The following ARMC12 variants were observed in gnomAD, a reference collection of about 807,000 sequenced individuals.
ARMC12 encodes the protein armadillo repeat-containing protein 12.
ARMC12 carries 25 observed loss-of-function variants against 37.4 expected under a neutral mutation model. That is an observed-to-expected ratio of 0.67 (90% CI 0.49 to 0.93). The LOEUF is 0.93. Ranked by LOEUF, ARMC12 falls within the 40% of genes least tolerant of loss-of-function variation. ARMC12 has a pLI of 0.00. For synonymous variants in ARMC12, 167 were observed against 176.1 expected (o/e 0.95, Z 0.41); for missense variants, 384 against 426.6 (o/e 0.90, Z 0.88).
chr6:35,738,189 G>C lies in ARMC12; in HGVS notation c.309+17G>C. ...GAGGCTGAGGTAAGGGAAGCAGGAG[G>C]TCCCCCCTAGCCGGCCTGGCCCCTG... On this transcript the variant is annotated intron_variant, in intron 2 of 5. Transcript: ENST00000373866. 4 of 1,581,428 alleles carry C rather than the reference G, an allele frequency of 2.5e-6. No homozygotes were observed. The highest frequency in any genetic ancestry group is 3.4e-6 in the Non-Finnish European group (4 of 1,160,898).
intron 5 of ARMC12, among the ~76,000 whole-genome samples, chr6:35,748,136 C>A (rs1039632550): frequency 1.3e-5 from 2 of 152,136 alleles, no homozygotes; most frequent in African/African-American, 4.8e-5. Context: ...ACCATTCTTG[C>A]AGCAACTGAT....
rs115290040 is a variant in ARMC12 at position 35,740,180 on chromosome 6, C to T, written c.444+1662C>T. Among the ~76,000 whole-genome samples, 424 of 152,306 alleles carry T rather than the reference C, an allele frequency of 2.8e-3. 5 individuals carry two copies. Among genetic ancestry groups the T allele is most frequent in the African/African-American group, 9.1e-3 (380 of 41,556 alleles). On this transcript the variant is annotated intron_variant, in intron 3 of 5. Coordinates refer to ENST00000373866, the MANE Select transcript of ARMC12 (RefSeq NM_001286574.2). ...TAATCAGAGGTTGGTGTCATGGCCA[C>T]GGATAACTTCTCCATTACTCCATAG... is the stretch of plus-strand genomic sequence containing the variant.
At chr6:35,737,981 T>C in intron 1 of ARMC12, 46 bp from the exon 2 acceptor site, 2 of 1,606,680 alleles carry the variant, frequency 1.2e-6, no homozygotes, top group Non-Finnish European at 1.7e-6. Context: ...CATTCTTTCA[T>C]CACTTCTGAG....
Position 35,737,058 on chromosome 6 carries a change from A to G in ARMC12, c.-51A>G, listed in dbSNP as rs1283854478. Reference sequence around the variant, plus strand: ...GAGTTCTGGTTCCGGAAGGCCCCCCACAGGTGCCTTGGGCCTAGCTCTCAC... The same window carrying G: ...GAGTTCTGGTTCCGGAAGGCCCCCCGCAGGTGCCTTGGGCCTAGCTCTCAC... On this transcript the variant is annotated 5_prime_UTR_variant, in exon 1 of 6. Transcript: ENST00000373866. The G allele has an allele frequency of 1.1e-5, 17 of 1,603,294 alleles. No individual in the cohort carries two copies. The Admixed American group carries it at 2.9e-4, about 27-fold the overall frequency.
At chr6:35,744,658 GA>G (rs1767282414) in intron 3 of ARMC12, among the ~76,000 whole-genome samples, 1 of 152,080 alleles carries the variant, frequency 6.6e-6, no homozygotes, top group African/African-American at 2.4e-5. Flanking sequence ...AGGGGACTGA[GA>G]AAGGAGAATC....
At chr6:35,745,421 A>G (rs1304321998) in intron 3 of ARMC12, among the ~76,000 whole-genome samples, 3 of 152,196 alleles carry the variant, frequency 2.0e-5, no homozygotes, top group Non-Finnish European at 4.4e-5. Context: ...TCAAACTTAA[A>G]AGGTCATATA....
chr6:35,731,750 G>T, the ARMC12 span, among the ~76,000 whole-genome samples: 1 of 152,160 alleles, frequency 6.6e-6, no homozygotes, highest in Admixed American at 6.5e-5. Flanking sequence ...CCGGCTCCCA[G>T]TGAGCCCTCT....
chr6:35,743,020 C>T (rs1330107705), intron 3 of ARMC12, among the ~76,000 whole-genome samples: 1 of 152,170 alleles, frequency 6.6e-6, no homozygotes, highest in Admixed American at 6.5e-5. Context: ...GTTCTGAAAC[C>T]CTGTCCCAGA....
At chr6:35,735,115 C>T (rs1766925859), upstream of ARMC12, 1 of 152,164 alleles carries the variant, frequency 6.6e-6, no homozygotes, top group Admixed American at 6.5e-5. This position sits in a 1 kb window ranked among gnomAD's most constrained non-coding sequence, Gnocchi z 4.0. Flanking sequence ...GAATCGGCTC[C>T]ATGGGATGGA....
chr6:35,742,317 G>T (rs1455782463), intron 3 of ARMC12, among the ~76,000 whole-genome samples: 1 of 151,604 alleles, frequency 6.6e-6, no homozygotes, highest in Non-Finnish European at 1.5e-5. Flanking sequence ...CCAACATGGA[G>T]AAACCCCGTC....
chr6:35,737,367 T>C, intron 1 of ARMC12, 96 bp downstream of exon 1: 1 of 1,613,396 alleles, frequency 6.2e-7, no homozygotes. Context: ...TGCCTCCAAG[T>C]TCCTCTTTCC....
At chr6:35,745,849 C>T (rs1156956110) in intron 3 of ARMC12, among the ~76,000 whole-genome samples, 2 of 152,088 alleles carry the variant, frequency 1.3e-5, no homozygotes, top group Non-Finnish European at 2.9e-5. Flanking sequence ...AGTTCAAGAC[C>T]AGCCTGGCCA....
chr6:35,743,704 T>C (rs1390249436), intron 3 of ARMC12, among the ~76,000 whole-genome samples: 1 of 151,300 alleles, frequency 6.6e-6, no homozygotes, highest in Non-Finnish European at 1.5e-5. Context: ...AAGTAAAATA[T>C]ATAGTGTGTT....
At position 35,737,082 on chromosome 6, in the gene ARMC12, A is replaced by T; in HGVS notation, c.-27A>T. On this transcript the variant is annotated 5_prime_UTR_variant, in exon 1 of 6. Transcript: ENST00000373866. ...CACAGGTGCCTTGGGCCTAGCTCTC[A>T]CCTGGGCCCAGGGCAACACTGAAGA... 1 of 1,612,490 alleles carries T rather than the reference A, an allele frequency of 6.2e-7. No individual in the cohort carries two copies. Among genetic ancestry groups the T allele is most frequent in the Non-Finnish European group, 8.5e-7 (1 of 1,179,180 alleles).
chr6:35,743,614 A>G (rs1767244769), intron 3 of ARMC12, among the ~76,000 whole-genome samples: 1 of 152,210 alleles, frequency 6.6e-6, no homozygotes, highest in South Asian at 2.1e-4. Context: ...TACAGGAGAG[A>G]AAGCAGTAAA....
intron 2 of ARMC12, 91 bp from the exon 3 acceptor site, chr6:35,738,293 G>GGGGGGGGGC: frequency 7.0e-7 from 1 of 1,431,964 alleles, no homozygotes; most frequent in South Asian, 1.3e-5. Context: ...CGGTGGGGGG[G>GGGGGGGGGC]GGGTGTGCGG....
rs758219500 is a variant in ARMC12 at position 35,737,073 on chromosome 6, C to A, written c.-36C>A. The A allele has an allele frequency of 1.2e-6, 2 of 1,610,834 alleles. No homozygotes were observed. Among genetic ancestry groups the A allele is most frequent in the East Asian group, 2.2e-5 (1 of 44,824 alleles). ...AAGGCCCCCCACAGGTGCCTTGGGCCTAGCTCTCACCTGGGCCCAGGGCAA... is the reference window on the plus strand; with the variant it reads ...AAGGCCCCCCACAGGTGCCTTGGGCATAGCTCTCACCTGGGCCCAGGGCAA... On this transcript the variant is annotated 5_prime_UTR_variant, in exon 1 of 6. Transcript: ENST00000373866.
chr6:35,743,319 T>G (rs186984113), intron 3 of ARMC12, among the ~76,000 whole-genome samples: 1,542 of 151,410 alleles, frequency 0.01, 28 homozygotes, highest in African/African-American at 0.035. Flanking sequence ...CGGGTTCAAG[T>G]GATTCTCCTG....
At chr6:35,736,683 C>G (rs1323537601), upstream of ARMC12, among the ~76,000 whole-genome samples, 1 of 152,080 alleles carries the variant, frequency 6.6e-6, no homozygotes, top group Non-Finnish European at 1.5e-5. Context: ...TGTCAGCTCA[C>G]TGCAACCTCA....
Sources: allele counts gnomAD v4.1 joint callset (sites outside exome capture counted in the v4.1 genomes callset), GRCh38; gene constraint gnomAD v4.1.1; non-coding constraint Gnocchi (gnomAD v3.1); transcripts MANE v1.5; gene names NCBI Gene and HGNC (gene_info 2026-07-23, HGNC 2026-07-21).